The following CLN8 variants were observed in gnomAD, a reference collection of about 807,000 sequenced individuals.
CLN8 encodes the protein CLN8 transmembrane ER and ERGIC protein.
A neutral mutation model predicts 15.7 loss-of-function variants in CLN8; 14 were observed. That is an observed-to-expected ratio of 0.89 (90% CI 0.59 to 1.39). CLN8 has a LOEUF of 1.39. Ranked by LOEUF, CLN8 falls within the 40% of genes most tolerant of loss-of-function variation. The probability of loss-of-function intolerance (pLI) is 0.00; values close to 1 mark genes in which losing one functional copy is unlikely to be tolerated. For synonymous variants in CLN8, 188 were observed against 151.0 expected (o/e 1.25, Z -1.80); for missense variants, 415 against 364.0 (o/e 1.14, Z -1.14).
chr8:1,755,253 A>G (rs989467691), upstream of CLN8, among the ~76,000 whole-genome samples: 2 of 152,212 alleles, frequency 1.3e-5, no homozygotes, highest in African/African-American at 4.8e-5. Context: ...GGGTTAGTCT[A>G]ACTAACAGAG....
At chr8:1,778,310 C>T (rs993236200) in intron 2 of CLN8, among the ~76,000 whole-genome samples, 1 of 152,220 alleles carries the variant, frequency 6.6e-6, no homozygotes, top group Non-Finnish European at 1.5e-5. Context: ...TAGCCTAACT[C>T]TATAATTTCA....
intron 1 of CLN8, among the ~76,000 whole-genome samples, chr8:1,767,916 G>A (rs1364694412): frequency 2.0e-5 from 3 of 151,502 alleles, no homozygotes; most frequent in African/African-American, 7.3e-5. Flanking sequence ...TGGGGTCCAG[G>A]GTGGTTAGGA....
In CLN8 at chr8:1,782,433, C is replaced by G. The variant is rs1801732184; in HGVS notation, c.*1866C>G. The G allele has an allele frequency of 6.6e-6, 1 of 152,282 alleles. No homozygotes were observed. Among genetic ancestry groups the G allele is most frequent in the Non-Finnish European group, 1.5e-5 (1 of 68,078 alleles). 9.4% of individuals were successfully genotyped at this position (152,282 alleles called of 1,614,324 possible). ...GTTCTGGGATTACGGGCGTGAGCCACTTCACCCGGCCCGGAGCGGTGTATT... is the reference window on the plus strand; with the variant it reads ...GTTCTGGGATTACGGGCGTGAGCCAGTTCACCCGGCCCGGAGCGGTGTATT... On this transcript the variant is annotated 3_prime_UTR_variant, in exon 3 of 3. Coordinates refer to ENST00000331222, the MANE Select transcript of CLN8 (RefSeq NM_018941.4).
upstream of CLN8, chr8:1,759,314 T>C (rs1272266086): frequency 2.0e-5 from 3 of 152,032 alleles, no homozygotes; most frequent in African/African-American, 7.3e-5. Flanking sequence ...GGAATCGCGA[T>C]AGGTGCAGGG....
intron 2 of CLN8, chr8:1,772,807 C>T (rs1585140596): frequency 2.5e-6 from 1 of 392,702 alleles, no homozygotes; most frequent in Admixed American, 4.4e-5. Flanking sequence ...TAGATTCTTG[C>T]TATCTTTTAT....
intron 2 of CLN8, chr8:1,779,893 G>A: frequency 1.0e-6 from 1 of 958,738 alleles, no homozygotes; most frequent in Non-Finnish European, 1.2e-6. Flanking sequence ...TGCCAAATAA[G>A]TATTGTTTAT....
upstream of CLN8, among the ~76,000 whole-genome samples, chr8:1,761,711 G>A (rs147045891): frequency 8.9e-3 from 1,355 of 152,320 alleles, 13 homozygotes; most frequent in African/African-American, 0.031. Context: ...AGATGAAATC[G>A]TATGGATCAA....
rs563156386 is a variant in CLN8, at chr8:1,777,654, A to C, written c.544-2596A>C. On this transcript the variant is annotated intron_variant, in intron 2 of 2. Coordinates refer to ENST00000331222, the MANE Select transcript of CLN8 (RefSeq NM_018941.4). ...AATTGTTGAAATCTAAGATGCAAATACACATTCATCCAGCCCTGCACAGGG... is the reference window on the plus strand; with the variant it reads ...AATTGTTGAAATCTAAGATGCAAATCCACATTCATCCAGCCCTGCACAGGG... 2.1e-3 allele frequency among the ~76,000 whole-genome samples: 315 copies of C among 152,250 alleles called. 4 individuals are homozygous for C. The highest frequency in any genetic ancestry group is 7.3e-3 in the African/African-American group (303 of 41,538).
chr8:1,753,956 G>A (rs1234434923), upstream of CLN8, among the ~76,000 whole-genome samples: 2 of 152,052 alleles, frequency 1.3e-5, no homozygotes, highest in African/African-American at 4.8e-5. Flanking sequence ...TAATCAAGGA[G>A]GGGGATTCAG....
At chr8:1,778,415 G>A (rs537945561) in intron 2 of CLN8, among the ~76,000 whole-genome samples, 1 of 152,192 alleles carries the variant, frequency 6.6e-6, no homozygotes, top group Non-Finnish European at 1.5e-5. Flanking sequence ...GGTTCTTCTG[G>A]TCTGTGGGTT....
chr8:1,779,525 G>A (rs941487683), intron 2 of CLN8, among the ~76,000 whole-genome samples: 4 of 152,222 alleles, frequency 2.6e-5, no homozygotes, highest in Non-Finnish European at 4.4e-5. Context: ...GATTATAGGC[G>A]TGAGCCACCG....
At position 1,771,593 on chromosome 8, in the gene CLN8, T is replaced by C. The variant is rs1801309834; in HGVS notation, c.539T>C (p.Leu180Ser). The C allele has an allele frequency of 6.2e-7, 1 of 1,613,512 alleles. No individual in the cohort carries two copies. Among genetic ancestry groups the C allele is most frequent in the African/African-American group, 1.3e-5 (1 of 74,918 alleles). Residue 180 changes from leucine to serine, a missense_variant, in exon 2 of 3, where the codon TTA (leucine) becomes TCA (serine). Leu to Ser is a moderately radical substitution (Grantham distance 145, BLOSUM62 -2). Coordinates refer to ENST00000331222, the MANE Select transcript of CLN8 (RefSeq NM_018941.4). ...TTTACCTGCGTTTCCTGGATGCTCT[T>C]AAAGGTAAGTGCATGCATCAGCAGA... The part of the protein sequence containing the change: ...TPFTCVSWML[L>S]KAGWSESLFW...
At chr8:1,763,752 G>GAACACGCGTGCGCACGCGCGTC (rs1563102127), upstream of CLN8, 5 of 141,268 alleles carry the variant, frequency 3.5e-5, no homozygotes, top group African/African-American at 1.0e-4. Context: ...GCACGCGCGT[G>GAACACGCGTGCGCACGCGCGTC]CGAACGCGCG....
intron 2 of CLN8, among the ~76,000 whole-genome samples, chr8:1,779,749 C>A (rs1801649436): frequency 6.6e-6 from 1 of 152,156 alleles, no homozygotes; most frequent in Non-Finnish European, 1.5e-5. Flanking sequence ...TGGCTGTGTC[C>A]TAGCATGGAG....
chr8:1,771,549 C>T lies in CLN8; in HGVS notation c.495C>T (p.Leu165=), dbSNP rs772106347. The change falls in exon 2 of 3, where the codon CTC becomes CTT. Residue 165 remains leucine, a synonymous_variant. Coordinates refer to ENST00000331222, the MANE Select transcript of CLN8 (RefSeq NM_018941.4). ...ACTATCTAGCTATGACCACGTTGCT[C>T]CTGGAGATGAGCACGCCCTTTACCT... ...AGHYLAMTTL[L]LEMSTPFTCV... is the part of the protein sequence containing the mutation. 9 of 1,614,138 alleles carry T rather than the reference C, an allele frequency of 5.6e-6. No individual in the cohort carries two copies. The highest frequency in any genetic ancestry group is 1.6e-4 in the Middle Eastern group (1 of 6,062).
chr8:1,754,334 G>T (rs1338947414), upstream of CLN8, among the ~76,000 whole-genome samples: 2 of 152,088 alleles, frequency 1.3e-5, no homozygotes, highest in African/African-American at 4.8e-5. Flanking sequence ...CTTAACCCCT[G>T]CATTACACCA....
At chr8:1,758,159 C>T (rs977647945) in intron 1 of CLN8, 2 of 152,158 alleles carry the variant, frequency 1.3e-5, no homozygotes, top group Non-Finnish European at 2.9e-5. Flanking sequence ...GAAAGATACA[C>T]TTTTTGGAAA....
At chr8:1,761,391 T>A (rs533493247), upstream of CLN8, among the ~76,000 whole-genome samples, 1 of 151,800 alleles carries the variant, frequency 6.6e-6, no homozygotes, top group East Asian at 1.9e-4. Context: ...GTGGTGCGAT[T>A]TCAGCACACT....
intron 2 of CLN8, 21 bp downstream of exon 2, chr8:1,771,618 A>G: frequency 1.2e-6 from 2 of 1,608,762 alleles, no homozygotes; most frequent in Non-Finnish European, 1.7e-6. Flanking sequence ...GCATCAGCAG[A>G]AGATGACATG....
Sources: allele counts gnomAD v4.1 joint callset (sites outside exome capture counted in the v4.1 genomes callset), GRCh38; gene constraint gnomAD v4.1.1; transcripts MANE v1.5; gene names NCBI Gene and HGNC (gene_info 2026-07-23, HGNC 2026-07-21).